CGB7: variants seen among roughly 807,000 people sequenced by gnomAD.
CGB7 encodes chorionic gonadotropin subunit beta 7.
A neutral mutation model predicts 7.3 loss-of-function variants in CGB7; 6 were observed. The ratio of observed to expected loss-of-function variants is 0.82; its 90% CI spans 0.45 to 1.62. The LOEUF is 1.62. CGB7 is among the 40% of genes most tolerant of loss of function. The probability of loss-of-function intolerance (pLI) is 0.01; values close to 1 mark genes in which losing one functional copy is unlikely to be tolerated. For synonymous variants in CGB7, 47 were observed against 100.8 expected (o/e 0.47, Z 3.20); for missense variants, 114 against 236.2 (o/e 0.48, Z 3.39).
At chr19:49,057,023 C>T in intron 2 of CGB7, 98 bp downstream of exon 2, 2 of 1,312,200 alleles carry the variant, frequency 1.5e-6, no homozygotes, top group South Asian at 2.5e-5. Context: ...GAGACTGAGA[C>T]CACCGGTCAG....
rs1294409651 is a variant in CGB7, at chr19:49,056,599, TGGGAGCAG to T, written c.-1220-12_-1220-5del. 3 of 1,279,808 alleles carry T rather than the reference TGGGAGCAG, an allele frequency of 2.3e-6. No individual in the cohort carries two copies. The African/African-American group carries it at 4.6e-5, about 20-fold the overall frequency. The allele number at this position is 1,279,808 out of a possible 1,614,324, so 79.3% of individuals were successfully genotyped here. On this transcript the variant is annotated splice_polypyrimidine_tract_variant and splice_region_variant and intron_variant, in intron 2 of 4. Coordinates refer to ENST00000684222, the MANE Select transcript of CGB7 (RefSeq NM_001385261.1). ...GGGGTATCCGGACGGCTCCGTCCTG[TGGGAGCAG>T]GGCGGGATGGTGAGGATACAGCTGG...
At chr19:49,057,294 T>C (rs2040078101) in intron 1 of CGB7, 46 bp from the exon 2 acceptor site, 1 of 1,502,994 alleles carries the variant, frequency 6.7e-7, no homozygotes, top group Non-Finnish European at 8.9e-7. Flanking sequence ...ATAGATTTCA[T>C]ACCCCATCCC....
Position 49,055,870 on chromosome 19 carries a change from G to T in CGB7, c.-495C>A. ...TCCCCGTGACTGTGCTGCCAGGGAA[G>T]CCACTTGACCCAGATGCCCCCCAAC... On this transcript the variant is annotated 5_prime_UTR_variant, in exon 3 of 5. Coordinates refer to ENST00000684222, the MANE Select transcript of CGB7 (RefSeq NM_001385261.1). 3.7e-6 allele frequency: 4 copies of T among 1,084,500 alleles called. No individual in the cohort carries two copies. In the South Asian group the frequency reaches 1.0e-4, roughly 28 times the overall value. The allele number at this position is 1,084,500 out of a possible 1,614,324, so 67.2% of individuals were successfully genotyped here.
rs1409237190 is a variant in CGB7 at position 49,054,479 on chromosome 19, C to A, written c.310G>T (p.Val104Leu). 5 of 1,576,376 alleles carry A rather than the reference C, an allele frequency of 3.2e-6. No individual in the cohort carries two copies. In the African/African-American group the frequency reaches 7.0e-5, roughly 22 times the overall value. The part of the protein sequence containing the change: ...RGVNPVVSYA[V>L]ALSCQCALCR... ...AGTGCACATTGACAGCTGAGAGCCA[C>A]GGCGTAGGAGACCACGGGGTTCACG... is the stretch of plus-strand genomic sequence containing the variant. Residue 104 changes from valine (V) to leucine (L), a missense_variant, in exon 5 of 5, where the codon GTG (valine) becomes TTG (leucine). Transcript: ENST00000684222.
At position 49,055,563 on chromosome 19, in the gene CGB7, G is replaced by A; in HGVS notation, c.-188C>T. 3 of 1,523,922 alleles carry A rather than the reference G, an allele frequency of 2.0e-6. No individual in the cohort carries two copies. Among genetic ancestry groups the A allele is most frequent in the Non-Finnish European group, 2.6e-6 (3 of 1,136,024 alleles). The allele number at this position is 1,523,922 out of a possible 1,614,324, so 94.4% of individuals were successfully genotyped here. ...GCACCCCAGTCCTCTCCCCTCAGTG[G>A]TCTAGCGCCAAGGATGAGGCGGAGA... is the stretch of plus-strand genomic sequence containing the variant. On this transcript the variant is annotated 5_prime_UTR_variant, in exon 3 of 5. Transcript: ENST00000684222.
chr19:49,057,218 G>C lies in CGB7; in HGVS notation c.-1318C>G. ...GATACTGTGAAGGGTGGGCCAGACA[G>C]CGCGGGGTTCTTCGTGCAGGCGATT... is the stretch of plus-strand genomic sequence containing the variant. On this transcript the variant is annotated 5_prime_UTR_variant, in exon 2 of 5. Coordinates refer to ENST00000684222, the MANE Select transcript of CGB7 (RefSeq NM_001385261.1). 4 of 1,534,154 alleles carry C rather than the reference G, an allele frequency of 2.6e-6. No individual in the cohort carries two copies. Among genetic ancestry groups the C allele is most frequent in the Non-Finnish European group, 3.5e-6 (4 of 1,146,260 alleles).
rs544889094 is a variant in CGB7, at chr19:49,055,427, G to A, written c.-52C>T. 21 of 1,605,490 alleles carry A rather than the reference G, an allele frequency of 1.3e-5. No homozygotes were observed. The highest frequency in any genetic ancestry group is 2.7e-5 in the African/African-American group (2 of 74,876). ...CCTGGCTTTATACCTCGGGTTTGTG[G>A]GGGCGTCAAGGCCACCAGGAGGTTG... On this transcript the variant is annotated 5_prime_UTR_variant, in exon 3 of 5. Transcript: ENST00000684222.
rs1486508318 is a variant in CGB7, at chr19:49,056,495, GA to G, written c.-1121del. On this transcript the variant is annotated 5_prime_UTR_variant, in exon 3 of 5. Transcript: ENST00000684222. ...GCTCGAGGCGGCCTGGAAGAGCAGA[GA>G]CAGGGCTGCCGCTGCGGGTCGTGAC... is the stretch of plus-strand genomic sequence containing the variant. The G allele has an allele frequency of 7.7e-7, 1 of 1,302,212 alleles. No individual in the cohort carries two copies. The highest frequency in any genetic ancestry group is 1.0e-6 in the Non-Finnish European group (1 of 997,346). The allele number at this position is 1,302,212 out of a possible 1,614,324, so 80.7% of individuals were successfully genotyped here.
At position 49,056,223 on chromosome 19, in the gene CGB7, C is replaced by G. The variant is rs1053898542; in HGVS notation, c.-848G>C. 1 of 1,287,042 alleles carries G rather than the reference C, an allele frequency of 7.8e-7. No homozygotes were observed. Among genetic ancestry groups the G allele is most frequent in the Non-Finnish European group, 1.0e-6 (1 of 987,660 alleles). The allele number at this position is 1,287,042 out of a possible 1,614,324, so 79.7% of individuals were successfully genotyped here. On this transcript the variant is annotated 5_prime_UTR_variant, in exon 3 of 5. Transcript: ENST00000684222. ...AGCGGCTGCCCAGAGCTCTGCTCCGCCCCCACGCCAGGGGGCGTGTCTGGG... is the reference window on the plus strand; with the variant it reads ...AGCGGCTGCCCAGAGCTCTGCTCCGGCCCCACGCCAGGGGGCGTGTCTGGG...
intron 1 of CGB7, 47 bp downstream of exon 1, chr19:49,057,415 G>A (rs1417030098): frequency 5.8e-6 from 8 of 1,386,676 alleles, no homozygotes; most frequent in Non-Finnish European, 7.5e-6. Flanking sequence ...ACCCACGCCA[G>A]GGAACTTCAG....
chr19:49,057,465 C>T lies in CGB7; in HGVS notation c.-1352G>A. 1 of 1,307,242 alleles carries T rather than the reference C, an allele frequency of 7.6e-7. No individual in the cohort carries two copies. Among genetic ancestry groups the T allele is most frequent in the East Asian group, 3.6e-5 (1 of 27,452 alleles). The allele number at this position is 1,307,242 out of a possible 1,614,324, so 81.0% of individuals were successfully genotyped here. A position where few individuals can be genotyped will look rare whatever the true frequency, so the allele number is the denominator to read the frequency against. On this transcript the variant is annotated 5_prime_UTR_variant, in exon 1 of 5. Transcript: ENST00000684222. ...CCCGAACCCTTCCCAGCCTCACCTC[C>T]CTAAATCCAAGCCCTCCTGCTGGTC...
Position 49,055,416 on chromosome 19 carries a change from TCG to T in CGB7, c.-43_-42del. 6.2e-7 allele frequency: 1 copy of T among 1,607,546 alleles called. No individual in the cohort carries two copies. The highest frequency in any genetic ancestry group is 8.5e-7 in the Non-Finnish European group (1 of 1,176,598). On this transcript the variant is annotated 5_prime_UTR_variant, in exon 3 of 5. Coordinates refer to ENST00000684222, the MANE Select transcript of CGB7 (RefSeq NM_001385261.1). ...TGCCTGGTGTACCTGGCTTTATACCTCGGGTTTGTGGGGGCGTCAAGGCCACC... is the reference window on the plus strand; with the variant it reads ...TGCCTGGTGTACCTGGCTTTATACCTGGTTTGTGGGGGCGTCAAGGCCACC...
chr19:49,056,474 G>T lies in CGB7; in HGVS notation c.-1099C>A, dbSNP rs1305370478. On this transcript the variant is annotated 5_prime_UTR_variant, in exon 3 of 5. Transcript: ENST00000684222. The stretch of plus-strand genomic sequence containing the variant: ...AGACATGGCCCGCCGTGCGGCGCTC[G>T]AGGCGGCCTGGAAGAGCAGAGACAG... 2 of 1,300,764 alleles carry T rather than the reference G, an allele frequency of 1.5e-6. No individual in the cohort carries two copies. The highest frequency in any genetic ancestry group is 2.0e-6 in the Non-Finnish European group (2 of 996,182). 80.6% of individuals were successfully genotyped at this position (1,300,764 alleles called of 1,614,324 possible). A position where few individuals can be genotyped will look rare whatever the true frequency, so the allele number is the denominator to read the frequency against.
chr19:49,055,622 G>T lies in CGB7; in HGVS notation c.-247C>A. The T allele has an allele frequency of 7.0e-7, 1 of 1,434,274 alleles. No homozygotes were observed. 88.8% of individuals were successfully genotyped at this position (1,434,274 alleles called of 1,614,324 possible). On this transcript the variant is annotated 5_prime_UTR_variant, in exon 3 of 5. Coordinates refer to ENST00000684222, the MANE Select transcript of CGB7 (RefSeq NM_001385261.1). ...AAGTGACCTCTGAGACTCAGTCGTC[G>T]AGTGCTAGGGACTAGTCGAGGCTGG...
rs1600241680 is a variant in CGB7, at chr19:49,056,098, T to C, written c.-723A>G. On this transcript the variant is annotated 5_prime_UTR_variant, in exon 3 of 5. Coordinates refer to ENST00000684222, the MANE Select transcript of CGB7 (RefSeq NM_001385261.1). ...TCTGGACTTAGTCCCTTCCCCGCGA[T>C]CCAGCCGCAGCTGAGTGGGCGTGTC... The C allele has an allele frequency of 8.5e-7, 1 of 1,181,334 alleles. No individual in the cohort carries two copies. Among genetic ancestry groups the C allele is most frequent in the Non-Finnish European group, 1.1e-6 (1 of 935,644 alleles). The allele number at this position is 1,181,334 out of a possible 1,614,324, so 73.2% of individuals were successfully genotyped here.
At position 49,057,684 on chromosome 19, in the gene CGB7, T is replaced by C; in HGVS notation, c.-1571A>G. The C allele has an allele frequency of 8.0e-7, 1 of 1,254,300 alleles. No homozygotes were observed. The highest frequency in any genetic ancestry group is 1.0e-6 in the Non-Finnish European group (1 of 995,672). The allele number at this position is 1,254,300 out of a possible 1,614,324, so 77.7% of individuals were successfully genotyped here. The stretch of plus-strand genomic sequence containing the variant: ...CCCCACCCACAGCCCGCCGTCTAGC[T>C]CCGCAGCAGCTTAGGAGCCCTGAAG... On this transcript the variant is annotated 5_prime_UTR_variant, in exon 1 of 5. Coordinates refer to ENST00000684222, the MANE Select transcript of CGB7 (RefSeq NM_001385261.1).
At chr19:49,055,173 C>T in intron 3 of CGB7, 165 bp from the exon 4 acceptor site, 1 of 985,076 alleles carries the variant, frequency 1.0e-6, no homozygotes, top group Non-Finnish European at 1.2e-6. Context: ...CACCCCACAG[C>T]CCGAGGGACC....
rs563652672 is a variant in CGB7 at position 49,054,931 on chromosome 19, G to C, written c.93C>G (p.Pro31=). ...SREMLRPRCR[P]INATLAVEKE... ...TCTCCACAGCCAGGGTGGCATTGAT[G>C]GGGCGGCACCGTGGCCGAAGCATCT... The change falls in exon 4 of 5, where the codon CCC becomes CCG. Residue 31 remains proline (P), a synonymous_variant. Transcript: ENST00000684222. 2.0e-4 allele frequency: 315 copies of C among 1,578,158 alleles called. 15 individuals carry two copies. The highest frequency in any genetic ancestry group is 2.2e-4 in the Middle Eastern group (1 of 4,488).
chr19:49,054,900 C>T lies in CGB7; in HGVS notation c.124G>A (p.Gly42Ser), dbSNP rs1322930335. ...TTGACGGTGATGCACACGGGGCAGC[C>T]CTCCTTCTCCACAGCCAGGGTGGCA... is the stretch of plus-strand genomic sequence containing the variant. ...INATLAVEKE[G>S]CPVCITVNTT... The change falls in exon 4 of 5, where the codon GGC (glycine) becomes AGC (serine). Residue 42 changes from glycine to serine, a missense_variant. By Grantham distance (56) the Gly-to-Ser change is moderately conservative. This residue lies in a region of CGB7 where 58 missense variants were observed against 91.7 expected (regional missense o/e 0.63). Coordinates refer to ENST00000684222, the MANE Select transcript of CGB7 (RefSeq NM_001385261.1). 2.5e-6 allele frequency: 4 copies of T among 1,590,348 alleles called. No homozygotes were observed. Among genetic ancestry groups the T allele is most frequent in the Admixed American group, 1.7e-5 (1 of 59,072 alleles).
Sources: allele counts gnomAD v4.1 joint callset, GRCh38; gene constraint gnomAD v4.1.1; regional missense constraint gnomAD v4.1.1; transcripts MANE v1.5; gene names NCBI Gene and HGNC (gene_info 2026-07-23, HGNC 2026-07-21).